Variants in BIRC6 observed in about 807,000 individuals in gnomAD.
BIRC6 encodes the protein dual E2 ubiquitin-conjugating enzyme/E3 ubiquitin-protein ligase BIRC6.
BIRC6 carries 98 observed loss-of-function variants against 503.3 expected under a neutral mutation model. The observed-to-expected ratio is 0.19, with a 90% CI of 0.17 to 0.23. The LOEUF (loss-of-function observed/expected upper bound fraction) is 0.23. BIRC6 is among the 10% of genes least tolerant of loss of function. The pLI, the probability that BIRC6 is intolerant of heterozygous loss-of-function variation, is 1.00. For missense variants in BIRC6, 5,360 were observed against 5,806.0 expected, an observed-to-expected ratio of 0.92 and a Z score of 2.50; for synonymous variants, 2,240 against 2,078.7, an observed-to-expected ratio of 1.08 and a Z score of -2.11.
rs189051556 is a variant in BIRC6 at position 32,539,003 on chromosome 2, A to G, written c.12292-4238A>G. Among the ~76,000 whole-genome samples the G allele has an allele frequency of 4.8e-4, 73 of 152,360 alleles. No individual in the cohort carries two copies. In the Middle Eastern group the frequency reaches 0.014, roughly 28 times the overall value. On this transcript the variant is annotated intron_variant, in intron 61 of 73. Transcript: ENST00000421745. ...AAACGTTTGTCAGAATAGAGGAAAAAGCAAAGCCCAAGTATATGCTGCCTA... is the reference window on the plus strand; with the variant it reads ...AAACGTTTGTCAGAATAGAGGAAAAGGCAAAGCCCAAGTATATGCTGCCTA...
At chr2:32,428,612 T>C (rs2043778515) in intron 10 of BIRC6, among the ~76,000 whole-genome samples, 1 of 152,284 alleles carries the variant, frequency 6.6e-6, no homozygotes, top group Non-Finnish European at 1.5e-5. Context: ...AATATACTAT[T>C]ACCCATTAAT....
At chr2:32,462,762 C>T (rs2048133042) in intron 23 of BIRC6, among the ~76,000 whole-genome samples, 1 of 152,058 alleles carries the variant, frequency 6.6e-6, no homozygotes. Context: ...TCCAGACCAG[C>T]CTGGCCAATA....
At chr2:32,561,668 T>G (rs1001630526) in intron 65 of BIRC6, among the ~76,000 whole-genome samples, 1 of 151,246 alleles carries the variant, frequency 6.6e-6, no homozygotes, top group Non-Finnish European at 1.5e-5. Context: ...AAGTTTTTTT[T>G]AAAGTTTCTG....
chr2:32,466,237 T>G (rs2048524974), intron 26 of BIRC6, among the ~76,000 whole-genome samples: 1 of 152,206 alleles, frequency 6.6e-6, no homozygotes, highest in African/African-American at 2.4e-5. Flanking sequence ...GATTACTAGC[T>G]GACCCACCCC....
chr2:32,533,543 C>T (rs1052809842), intron 61 of BIRC6, among the ~76,000 whole-genome samples: 3 of 152,170 alleles, frequency 2.0e-5, no homozygotes, highest in African/African-American at 7.2e-5. Flanking sequence ...AAAGCATGCT[C>T]CAAAGTATAA....
At chr2:32,548,115 A>C (rs574531970) in intron 64 of BIRC6, 101 bp downstream of exon 64, 2 of 1,079,136 alleles carry the variant, frequency 1.9e-6, no homozygotes, top group Non-Finnish European at 2.5e-6. Flanking sequence ...AGCTATGTTT[A>C]TGCCCACTTG....
At chr2:32,511,977 A>G (rs936688141) in intron 53 of BIRC6, among the ~76,000 whole-genome samples, 7 of 152,184 alleles carry the variant, frequency 4.6e-5, no homozygotes, top group Admixed American at 2.0e-4. Context: ...GGTTGCTTGA[A>G]ATCTGTTAGG....
intron 4 of BIRC6, among the ~76,000 whole-genome samples, chr2:32,390,928 A>G (rs1234876885): frequency 6.6e-6 from 1 of 152,176 alleles, no homozygotes; most frequent in Non-Finnish European, 1.5e-5. Context: ...TGTAGTAGTA[A>G]TCTCTTGGGC....
At chr2:32,488,295 C>T (rs2149296000) in intron 41 of BIRC6, among the ~76,000 whole-genome samples, 1 of 151,072 alleles carries the variant, frequency 6.6e-6, no homozygotes, top group South Asian at 2.1e-4. Context: ...CAGACCTTGT[C>T]TCAAATAAAA....
chr2:32,392,400 T>G (rs1172396124), intron 5 of BIRC6, among the ~76,000 whole-genome samples: 1 of 151,802 alleles, frequency 6.6e-6, no homozygotes, highest in African/African-American at 2.4e-5. Flanking sequence ...GGAATACAGG[T>G]GTGCACCATC....
At chr2:32,605,494 G>A (rs2062387703) in intron 71 of BIRC6, among the ~76,000 whole-genome samples, 1 of 152,056 alleles carries the variant, frequency 6.6e-6, no homozygotes. Context: ...TAACAGAAGA[G>A]GACAATTATT....
chr2:32,373,772 A>G (rs954206718), intron 1 of BIRC6, among the ~76,000 whole-genome samples: 2 of 152,216 alleles, frequency 1.3e-5, no homozygotes, highest in African/African-American at 4.8e-5. Flanking sequence ...CAGGGAATCA[A>G]GGAGATATTT....
In BIRC6 at chr2:32,439,669, A is replaced by C. The variant is rs947089444; in HGVS notation, c.3793A>C (p.Lys1265Gln). Residue 1265 changes from lysine (K) to glutamine (Q), a missense_variant, in exon 16 of 74, where the codon AAA becomes CAA. By Grantham distance (53) the Lys-to-Gln change is moderately conservative (BLOSUM62 1). Transcript: ENST00000421745. Reference sequence around the variant, plus strand: ...TTATTCACTTGCTTCACTTTTGGCTAAAGTTGCAGCAGGCAAGGTATGAAA... The same window carrying C: ...TTATTCACTTGCTTCACTTTTGGCTCAAGTTGCAGCAGGCAAGGTATGAAA... The part of the protein sequence containing the change: ...KGYSLASLLA[K>Q]VAAGKEKSSN... 6.2e-7 allele frequency: 1 copy of C among 1,613,602 alleles called. No individual in the cohort carries two copies. Among genetic ancestry groups the C allele is most frequent in the Non-Finnish European group, 8.5e-7 (1 of 1,179,796 alleles).
At chr2:32,425,738 G>T (rs2043416974) in intron 10 of BIRC6, among the ~76,000 whole-genome samples, 1 of 152,144 alleles carries the variant, frequency 6.6e-6, no homozygotes, top group South Asian at 2.1e-4. Context: ...TCTTCTGGTG[G>T]CTGCTGCTTG....
intron 1 of BIRC6, 84 bp from the exon 2 acceptor site, chr2:32,377,504 G>T: frequency 2.0e-5 from 22 of 1,082,096 alleles, no homozygotes; most frequent in Admixed American, 3.3e-5. Context: ...ATAATATATT[G>T]TGTTTAGTCA....
At chr2:32,504,557 C>A (rs917653857) in intron 49 of BIRC6, among the ~76,000 whole-genome samples, 3 of 151,956 alleles carry the variant, frequency 2.0e-5, no homozygotes, top group African/African-American at 7.3e-5. Flanking sequence ...GTCCCAGCTA[C>A]TCGGGAGGCT....
At chr2:32,395,338 T>C (rs1404472666) in intron 5 of BIRC6, among the ~76,000 whole-genome samples, 173 bp from the exon 6 acceptor site, 1 of 152,234 alleles carries the variant, frequency 6.6e-6, no homozygotes, top group East Asian at 1.9e-4. Flanking sequence ...TGCAGGCAAT[T>C]AATAAATATT....
At chr2:32,424,838 A>G (rs1236322436) in intron 10 of BIRC6, among the ~76,000 whole-genome samples, 1 of 152,036 alleles carries the variant, frequency 6.6e-6, no homozygotes, top group Non-Finnish European at 1.5e-5. Context: ...GAGAATCACC[A>G]AGTTATTTTC....
At chr2:32,515,890 G>A (rs111472263) in intron 55 of BIRC6, 120 bp downstream of exon 55, 23,199 of 913,436 alleles carry the variant, frequency 0.025, 493 homozygotes, top group African/African-American at 0.093. Context: ...CTGAATTTAA[G>A]CTATAAAGTA....
Sources: gnomAD v4.1 joint callset for allele counts (sites outside exome capture counted in the v4.1 genomes callset) on GRCh38, gnomAD v4.1.1 for gene constraint, MANE v1.5 for transcripts, NCBI Gene and HGNC (gene_info 2026-07-23, HGNC 2026-07-21) for gene names.